RPS6KA2: variants seen among roughly 807,000 people sequenced by gnomAD.
RPS6KA2 encodes ribosomal protein S6 kinase alpha-2.
Under a neutral mutation model 91.8 loss-of-function variants are expected in RPS6KA2, and 42 were observed. That is an observed-to-expected ratio of 0.46 (90% CI 0.36 to 0.59). The LOEUF (loss-of-function observed/expected upper bound fraction) is 0.59. Among genes scored for constraint, RPS6KA2 ranks in the 20% least tolerant of loss-of-function variants. RPS6KA2 has a pLI of 0.00. For synonymous variants in RPS6KA2, 414 were observed against 393.6 expected (o/e 1.05, Z -0.61); for missense variants, 798 against 978.5 (o/e 0.82, Z 2.46).
rs989711135 is a variant in RPS6KA2, at chr6:166,554,613, T to TG, written c.100-15830dup. ...CTCGCGGCTGGCACGCGGGTGGCCA[T>TG]GGGGGGGTGGGGGTCCCACTCCAGC... On this transcript the variant is annotated intron_variant, in intron 1 of 20. Transcript: ENST00000265678. This position sits in a 1 kb window ranked among gnomAD's most constrained non-coding sequence, Gnocchi z 4.3. Among the ~76,000 whole-genome samples, 30 of 152,112 alleles carry TG rather than the reference T, an allele frequency of 2.0e-4. No homozygotes were observed. The highest frequency in any genetic ancestry group is 2.5e-4 in the Non-Finnish European group (17 of 67,986).
At chr6:166,476,104 C>G (rs1249233204) in intron 10 of RPS6KA2, among the ~76,000 whole-genome samples, 2 of 152,128 alleles carry the variant, frequency 1.3e-5, no homozygotes, top group Non-Finnish European at 2.9e-5. Context: ...ACTGCTGTCC[C>G]TAGAACAAGG....
At chr6:166,664,720 TTA>T (rs1393695372) in intron 2 of RPS6KA2, among the ~76,000 whole-genome samples, 3 of 152,198 alleles carry the variant, frequency 2.0e-5, no homozygotes, top group Admixed American at 6.5e-5. Context: ...GTTTTATACA[TTA>T]TATATTAAGA....
At chr6:166,699,876 G>A (rs1789460049) in intron 2 of RPS6KA2, among the ~76,000 whole-genome samples, 1 of 152,056 alleles carries the variant, frequency 6.6e-6, no homozygotes, top group South Asian at 2.1e-4. Flanking sequence ...ATTTATCAGT[G>A]CTTAAAAATC....
At chr6:166,616,429 C>G (rs1352004291) in intron 1 of RPS6KA2, among the ~76,000 whole-genome samples, 1 of 152,222 alleles carries the variant, frequency 6.6e-6, no homozygotes, top group Non-Finnish European at 1.5e-5. Context: ...CCAGCAGCAG[C>G]TCTCATGCCT....
rs372845661 is a variant in RPS6KA2 at position 166,467,844 on chromosome 6, G to A, written c.972+1997C>T. 3.2e-4 allele frequency among the ~76,000 whole-genome samples: 48 copies of A among 152,334 alleles called. 1 individual carries two copies. The South Asian group carries it at 8.9e-3, about 28-fold the overall frequency. On this transcript the variant is annotated intron_variant, in intron 11 of 20. Transcript: ENST00000265678. Reference sequence around the variant, plus strand: ...GGGTGCAGGACTTTGTTCCATCTACGGCTCTATCCCCAGCCCTGGAAAGTG... The same window carrying A: ...GGGTGCAGGACTTTGTTCCATCTACAGCTCTATCCCCAGCCCTGGAAAGTG...
intron 10 of RPS6KA2, among the ~76,000 whole-genome samples, chr6:166,476,524 T>C (rs1780981126): frequency 6.6e-6 from 1 of 152,118 alleles, no homozygotes; most frequent in Admixed American, 6.5e-5. Flanking sequence ...ATTTCTAGCT[T>C]ATTGTTTTGT....
At chr6:166,711,838 A>G (rs201962198) in intron 2 of RPS6KA2, among the ~76,000 whole-genome samples, 2 of 152,206 alleles carry the variant, frequency 1.3e-5, no homozygotes, top group South Asian at 2.1e-4. Flanking sequence ...AAACAAAAAC[A>G]ACAGAAAAAA....
chr6:166,622,187 C>T (rs980590908), intron 1 of RPS6KA2, among the ~76,000 whole-genome samples: 1 of 152,166 alleles, frequency 6.6e-6, no homozygotes, highest in Non-Finnish European at 1.5e-5. Context: ...CAAAATCTCA[C>T]TACGTTTAGT....
chr6:166,465,537 C>T (rs148941783), intron 11 of RPS6KA2, among the ~76,000 whole-genome samples: 1 of 152,302 alleles, frequency 6.6e-6, no homozygotes, highest in Non-Finnish European at 1.5e-5. Flanking sequence ...ATGTTGACAG[C>T]TTCTAAGACC....
intron 2 of RPS6KA2, among the ~76,000 whole-genome samples, chr6:166,792,308 A>G (rs936750231): frequency 6.6e-6 from 1 of 152,270 alleles, no homozygotes; most frequent in Non-Finnish European, 1.5e-5. Flanking sequence ...AACCAGGAAG[A>G]AGTTGAGTCC....
chr6:166,675,605 T>C (rs529773442), intron 2 of RPS6KA2, among the ~76,000 whole-genome samples: 2 of 151,962 alleles, frequency 1.3e-5, no homozygotes, highest in East Asian at 3.9e-4. Flanking sequence ...GCTCCTTCCT[T>C]CTCGGTGGGT....
intron 2 of RPS6KA2, among the ~76,000 whole-genome samples, chr6:166,779,671 A>T (rs540712001): frequency 6.6e-6 from 1 of 152,302 alleles, no homozygotes; most frequent in East Asian, 1.9e-4. Context: ...CTGTGTCCTT[A>T]GGTGAGCGGC....
chr6:166,735,601 AT>A (rs1374698282), intron 2 of RPS6KA2, among the ~76,000 whole-genome samples: 1 of 152,108 alleles, frequency 6.6e-6, no homozygotes, highest in Admixed American at 6.6e-5. Context: ...GTGATGGGAG[AT>A]GGTGACAGAT....
Position 166,767,817 on chromosome 6 carries a change from C to A in RPS6KA2, c.123+90383G>T, listed in dbSNP as rs1243666465. On this transcript the variant is annotated intron_variant, in intron 2 of 21. Transcript: ENST00000503859. This position sits in a 1 kb window ranked among gnomAD's most constrained non-coding sequence, Gnocchi z 4.6. Reference sequence around the variant, plus strand: ...CACACACACACACACACACACACACCCTGGTGTCAGGCAGCCGGCCACCAC... The same window carrying A: ...CACACACACACACACACACACACACACTGGTGTCAGGCAGCCGGCCACCAC... 1.4e-5 allele frequency among the ~76,000 whole-genome samples: 2 copies of A among 145,664 alleles called. No individual in the cohort carries two copies. Among genetic ancestry groups the A allele is most frequent in the African/African-American group, 5.1e-5 (2 of 39,292 alleles).
rs1787344890 is a variant in RPS6KA2 at position 166,639,200 on chromosome 6, A to G, written c.124-100416T>C. Among the ~76,000 whole-genome samples, 1 of 152,186 alleles carries G rather than the reference A, an allele frequency of 6.6e-6. No individual in the cohort carries two copies. The highest frequency in any genetic ancestry group is 2.1e-4 in the South Asian group (1 of 4,832). ...AGAATTTGTATCTGAAAACTCCCCT[A>G]TTCAACTGTATTGTCTTATGCAAGG... is the stretch of plus-strand genomic sequence containing the variant. On this transcript the variant is annotated intron_variant, in intron 2 of 21. Transcript: ENST00000503859. This position sits in a 1 kb window ranked among gnomAD's most constrained non-coding sequence, Gnocchi z 4.2.
intron 2 of RPS6KA2, among the ~76,000 whole-genome samples, chr6:166,634,466 G>A (rs1040213593): frequency 3.3e-5 from 5 of 152,058 alleles, no homozygotes; most frequent in Admixed American, 1.3e-4. Context: ...AATCGAAATC[G>A]CTGAGCTTTT....
Position 166,493,207 on chromosome 6 carries a change from G to T in RPS6KA2, c.748-2466C>A, listed in dbSNP as rs1781665794. On this transcript the variant is annotated intron_variant, in intron 8 of 20. Coordinates refer to ENST00000265678, the MANE Select transcript of RPS6KA2 (RefSeq NM_021135.6). The surrounding 1 kb of genome is among the most constrained non-coding windows in gnomAD (Gnocchi z 4.7). ...CATGAATATTCAACAACTGCTTCTT[G>T]GTGATGAAGGTGCTGCTGACGGTGG... is the stretch of plus-strand genomic sequence containing the variant. 6.6e-6 allele frequency among the ~76,000 whole-genome samples: 1 copy of T among 152,102 alleles called. No homozygotes were observed. The highest frequency in any genetic ancestry group is 1.5e-5 in the Non-Finnish European group (1 of 68,020).
At chr6:166,414,579 G>A (rs1778433970) in intron 19 of RPS6KA2, among the ~76,000 whole-genome samples, 1 of 152,208 alleles carries the variant, frequency 6.6e-6, no homozygotes, top group Admixed American at 6.5e-5. Context: ...AATTACATTT[G>A]CGGACAAACC....
upstream of RPS6KA2, among the ~76,000 whole-genome samples, chr6:166,629,870 C>T (rs1317141841): frequency 1.3e-5 from 2 of 152,134 alleles, no homozygotes; most frequent in African/African-American, 2.4e-5. Flanking sequence ...AAGTGATTAT[C>T]GAGCACTAAC....
Sources: gnomAD v4.1 joint callset for allele counts (sites outside exome capture counted in the v4.1 genomes callset) on GRCh38, gnomAD v4.1.1 for gene constraint, Gnocchi (gnomAD v3.1) non-coding constraint, MANE v1.5 for transcripts, NCBI Gene and HGNC (gene_info 2026-07-23, HGNC 2026-07-21) for gene names.